The following PLEKHA4 variants were observed in gnomAD, a reference collection of about 807,000 sequenced individuals.
PLEKHA4 encodes the protein pleckstrin homology domain containing A4, also known as pleckstrin homology domain-containing family A member 4.
A neutral mutation model predicts 94.7 loss-of-function variants in PLEKHA4; 73 were observed. The ratio of observed to expected loss-of-function variants is 0.77; its 90% confidence interval spans 0.64 to 0.94. The LOEUF (loss-of-function observed/expected upper bound fraction) is 0.94, where lower values mean the gene tolerates loss of function less well. PLEKHA4 is among the 40% of genes least tolerant of loss of function. PLEKHA4 has a pLI of 0.00. For synonymous variants in PLEKHA4, 449 were observed against 437.1 expected (o/e 1.03, Z -0.34); for missense variants, 1,049 against 1,054.1 (o/e 1.00, Z 0.07).
Position 48,837,378 on chromosome 19 carries a change from C to A in PLEKHA4, c.2251G>T (p.Ala751Ser). 1 of 1,613,738 alleles carries A rather than the reference C, an allele frequency of 6.2e-7. No individual in the cohort carries two copies. Reference sequence around the variant, plus strand: ...GGAGGGGCGATCCCGGCATCCCACGCGGGCCCCCAGGGGGTGGGACCTCCT... The same window carrying A: ...GGAGGGGCGATCCCGGCATCCCACGAGGGCCCCCAGGGGGTGGGACCTCCT... ...RGGGPTPWGP[A>S]WDAGIAPPVL... is the part of the protein sequence containing the mutation. The change falls in exon 20 of 20, where the codon GCG (alanine) becomes TCG (serine). Residue 751 changes from alanine to serine, a missense_variant. By Grantham distance (99) the Ala-to-Ser change is moderately conservative. Transcript: ENST00000263265. The surrounding 1 kb of genome is among the most constrained non-coding windows in gnomAD (Gnocchi z 4.3).
chr19:48,848,559 G>A lies in PLEKHA4; in HGVS notation c.1426-519C>T, dbSNP rs10410481. Among the ~76,000 whole-genome samples the A allele has an allele frequency of 6.5e-3, 975 of 151,080 alleles. 10 individuals carry two copies. The highest frequency in any genetic ancestry group is 0.023 in the African/African-American group (928 of 41,062). The stretch of plus-strand genomic sequence containing the variant: ...TGTAATCCCAGCATTTTGGGAAGCC[G>A]AGGCGGGTGGATCACCAGAGGTCAG... On this transcript the variant is annotated intron_variant, in intron 13 of 19. Coordinates refer to ENST00000263265, the MANE Select transcript of PLEKHA4 (RefSeq NM_020904.3).
Position 48,860,478 on chromosome 19 carries a change from T to C in PLEKHA4, c.367-19A>G. 1 of 1,593,740 alleles carries C rather than the reference T, an allele frequency of 6.3e-7. No individual in the cohort carries two copies. The highest frequency in any genetic ancestry group is 1.1e-5 in the South Asian group (1 of 90,600). ...GCTCTGCCTGCGGGAAGAGAAGGCT[T>C]GGAATCCGGACTCCCGGGCCTTGTA... On this transcript the variant is annotated intron_variant, in intron 5 of 19. Coordinates refer to ENST00000263265, the MANE Select transcript of PLEKHA4 (RefSeq NM_020904.3).
intron 12 of PLEKHA4, 84 bp downstream of exon 12, chr19:48,853,598 A>T: frequency 7.6e-7 from 1 of 1,324,004 alleles, no homozygotes; most frequent in Non-Finnish European, 9.8e-7. Flanking sequence ...TCTTCCTATG[A>T]GCCCTCTGGG....
In PLEKHA4 at chr19:48,857,422, C is replaced by T. The variant is rs778294378; in HGVS notation, c.1047G>A (p.Leu349=). The change falls in exon 9 of 20, where the codon TTG becomes TTA. Residue 349 remains leucine (L), a splice_region_variant and synonymous_variant. Coordinates refer to ENST00000263265, the MANE Select transcript of PLEKHA4 (RefSeq NM_020904.3). ...PPGTRASMVL[L]PGPPLESTFH... is the part of the protein sequence containing the mutation. ...ATTTAGGGTACTCCAGGATACCTACCAATAAAACCATGGAGGCCCGGGTCC... is the reference window on the plus strand; with the variant it reads ...ATTTAGGGTACTCCAGGATACCTACTAATAAAACCATGGAGGCCCGGGTCC... 50 of 1,516,124 alleles carry T rather than the reference C, an allele frequency of 3.3e-5. No individual in the cohort carries two copies. In the East Asian group the frequency reaches 1.2e-3, roughly 36 times the overall value. The allele number at this position is 1,516,124 out of a possible 1,614,324, so 93.9% of individuals were successfully genotyped here.
At chr19:48,847,713 C>T (rs2036018476) in intron 14 of PLEKHA4, among the ~76,000 whole-genome samples, 187 bp downstream of exon 14, 1 of 152,066 alleles carries the variant, frequency 6.6e-6, no homozygotes, top group Non-Finnish European at 1.5e-5. Context: ...GCCTGGATGA[C>T]AGAGTGAGAC....
chr19:48,839,653 C>T (rs184030510), intron 17 of PLEKHA4, among the ~76,000 whole-genome samples: 156 of 151,996 alleles, frequency 1.0e-3, no homozygotes, highest in Non-Finnish European at 1.8e-3. Context: ...ACTCCTGCCT[C>T]GGCCTCCCAA....
At position 48,837,310 on chromosome 19, in the gene PLEKHA4, A is replaced by T; in HGVS notation, c.2319T>A (p.Thr773=). 6.2e-7 allele frequency: 1 copy of T among 1,613,938 alleles called. No homozygotes were observed. The highest frequency in any genetic ancestry group is 8.5e-7 in the Non-Finnish European group (1 of 1,180,004). Residue 773 remains threonine (T), a synonymous_variant, in exon 20 of 20, where the codon ACT becomes ACA. Transcript: ENST00000263265. The surrounding 1 kb of genome is among the most constrained non-coding windows in gnomAD (Gnocchi z 4.3). ...QDEGAWPLRV[T]LLQSSF ...CGGATTAGAAGCTGGATTGTAGCAG[A>T]GTGACTCGCAGAGGCCATGCCCCCT... is the stretch of plus-strand genomic sequence containing the variant.
intron 9 of PLEKHA4, 40 bp downstream of exon 9, chr19:48,857,381 GA>G: frequency 1.3e-6 from 1 of 791,898 alleles, no homozygotes; most frequent in Admixed American, 2.8e-5. Flanking sequence ...GAAAGGAAGG[GA>G]GGGGGCTCCG....
intron 14 of PLEKHA4, among the ~76,000 whole-genome samples, chr19:48,846,892 T>A (rs1332106369): frequency 6.6e-6 from 1 of 152,184 alleles, no homozygotes; most frequent in African/African-American, 2.4e-5. Flanking sequence ...TTTTATTTTA[T>A]TTGAGACACA....
At position 48,860,465 on chromosome 19, in the gene PLEKHA4, G is replaced by T. The variant is rs985758692; in HGVS notation, c.367-6C>A. The T allele has an allele frequency of 1.2e-6, 2 of 1,611,184 alleles. No individual in the cohort carries two copies. Among genetic ancestry groups the T allele is most frequent in the Non-Finnish European group, 1.7e-6 (2 of 1,177,468 alleles). ...CTCATGCCCGGGTGCTCTGCCTGCG[G>T]GAAGAGAAGGCTTGGAATCCGGACT... On this transcript the variant is annotated splice_region_variant and splice_polypyrimidine_tract_variant and intron_variant, in intron 5 of 19. Transcript: ENST00000263265.
At chr19:48,865,231 C>A (rs948780277) in intron 3 of PLEKHA4, among the ~76,000 whole-genome samples, 3 of 152,142 alleles carry the variant, frequency 2.0e-5, no homozygotes, top group Non-Finnish European at 4.4e-5. Context: ...GTAAGCCCAG[C>A]TACTCGGGAG....
At position 48,854,362 on chromosome 19, in the gene PLEKHA4, C is replaced by G; in HGVS notation, c.1048-98G>C. The G allele has an allele frequency of 2.9e-6, 3 of 1,022,688 alleles. No homozygotes were observed. The South Asian group carries it at 4.0e-5, about 14-fold the overall frequency. The allele number at this position is 1,022,688 out of a possible 1,614,324, so 63.4% of individuals were successfully genotyped here. ...GCCCTGTCTCTACTGATAGGTACTG[C>G]ACTATTTATTTATTTATTTATTTAG... On this transcript the variant is annotated intron_variant, in intron 9 of 19. Transcript: ENST00000263265.
rs1290802889 is a variant in PLEKHA4 at position 48,859,615 on chromosome 19, C to T, written c.546G>A (p.Glu182=). ...EGPGGPGGPP[E]VSRGEEGRIS... is the part of the protein sequence containing the mutation. ...TGCGCCCCTCTTCCCCTCTGCTCAC[C>T]TCCGGGGGACCACCGGGGCCGCCGG... is the stretch of plus-strand genomic sequence containing the variant. Residue 182 remains glutamate (E), a synonymous_variant, in exon 7 of 20, where the codon GAG becomes GAA. Transcript: ENST00000263265. 1 of 1,613,344 alleles carries T rather than the reference C, an allele frequency of 6.2e-7. No individual in the cohort carries two copies.
chr19:48,843,860 G>A (rs545521072), intron 16 of PLEKHA4, among the ~76,000 whole-genome samples: 5 of 151,562 alleles, frequency 3.3e-5, no homozygotes, highest in African/African-American at 4.8e-5. Context: ...TTTTTGCCAC[G>A]TTGGCCAGGG....
At chr19:48,847,836 T>C in intron 14 of PLEKHA4, 64 bp downstream of exon 14, 1 of 1,490,458 alleles carries the variant, frequency 6.7e-7, no homozygotes, top group Admixed American at 2.3e-5. Context: ...GGGTGGGGAA[T>C]AGACTGAGTC....
At chr19:48,839,162 ATT>A in intron 18 of PLEKHA4, 41 bp downstream of exon 18, 1 of 1,454,784 alleles carries the variant, frequency 6.9e-7, no homozygotes, top group Non-Finnish European at 9.3e-7. Flanking sequence ...GCTTTTGCAA[ATT>A]TTTTTTTCCT....
intron 9 of PLEKHA4, among the ~76,000 whole-genome samples, chr19:48,856,318 TCACGCCTG>T: frequency 1.5e-5 from 2 of 131,042 alleles, no homozygotes; most frequent in African/African-American, 2.5e-5. Flanking sequence ...TCGCGGTGGC[TCACGCCTG>T]TAATCCCAGC....
chr19:48,860,854 A>T (rs1205651340), intron 5 of PLEKHA4, among the ~76,000 whole-genome samples: 1 of 151,358 alleles, frequency 6.6e-6, no homozygotes, highest in African/African-American at 2.4e-5. Flanking sequence ...AGAGAGAGAA[A>T]AAAAAAGGAA....
chr19:48,852,960 C>T (rs2036256860), intron 12 of PLEKHA4, among the ~76,000 whole-genome samples: 2 of 152,022 alleles, frequency 1.3e-5, no homozygotes, highest in African/African-American at 4.8e-5. Context: ...CACCCACTCA[C>T]CCTGGGGCAG....
Sources: allele counts gnomAD v4.1 joint callset (sites outside exome capture counted in the v4.1 genomes callset), GRCh38; gene constraint gnomAD v4.1.1; non-coding constraint Gnocchi (gnomAD v3.1); transcripts MANE v1.5; gene names NCBI Gene and HGNC (gene_info 2026-07-23, HGNC 2026-07-21).